The following THRAP3 variants were observed in gnomAD, a reference collection of about 807,000 sequenced individuals.
The protein encoded by THRAP3 is thyroid hormone receptor-associated protein 3.
In THRAP3, 16 loss-of-function variants were observed where a neutral mutation model predicts 101.0. The ratio of observed to expected loss-of-function variants is 0.16; its 90% CI spans 0.11 to 0.24. THRAP3 has a LOEUF of 0.24. Among genes scored for constraint, THRAP3 ranks in the 10% least tolerant of loss-of-function variants. The pLI is 1.00. For missense variants in THRAP3, 989 were observed against 1,202.7 expected (o/e 0.82, Z 2.63); for synonymous variants, 407 against 422.6 (o/e 0.96, Z 0.45).
chr1:36,255,524 T>A (rs952366780), intron 1 of THRAP3, among the ~76,000 whole-genome samples: 1 of 151,778 alleles, frequency 6.6e-6, no homozygotes, highest in Non-Finnish European at 1.5e-5. Context: ...ATCCCAGCAC[T>A]TTGGGAGGCT....
At chr1:36,256,606 C>T (rs952671889) in intron 1 of THRAP3, among the ~76,000 whole-genome samples, 1 of 152,186 alleles carries the variant, frequency 6.6e-6, no homozygotes, top group African/African-American at 2.4e-5. Flanking sequence ...CAGCAGCGAG[C>T]ATGTATCATT....
intron 1 of THRAP3, among the ~76,000 whole-genome samples, chr1:36,242,816 T>A (rs193162175): frequency 6.6e-6 from 1 of 152,246 alleles, no homozygotes; most frequent in African/African-American, 2.4e-5. Flanking sequence ...TTTGTACTTA[T>A]AGAATTTTGT....
chr1:36,248,173 C>A (rs564966432), intron 1 of THRAP3, among the ~76,000 whole-genome samples: 4 of 152,154 alleles, frequency 2.6e-5, no homozygotes, highest in African/African-American at 4.8e-5. Flanking sequence ...AGCCACGGTG[C>A]CCAGCCTCCT....
chr1:36,298,626 C>A (rs1357696102), intron 9 of THRAP3, among the ~76,000 whole-genome samples: 1 of 152,014 alleles, frequency 6.6e-6, no homozygotes, highest in African/African-American at 2.4e-5. Flanking sequence ...TCCAACTAGG[C>A]TGAGCTAGGA....
At chr1:36,238,452 A>AT (rs1645116674) in intron 1 of THRAP3, among the ~76,000 whole-genome samples, 1 of 152,084 alleles carries the variant, frequency 6.6e-6, no homozygotes, top group Non-Finnish European at 1.5e-5. Flanking sequence ...TATCCAGATT[A>AT]TTTTTTTAGG....
At position 36,276,864 on chromosome 1, in the gene THRAP3, A is replaced by G. The variant is rs1378679902; in HGVS notation, c.-31-5669A>G. The stretch of plus-strand genomic sequence containing the variant: ...AGAGGGAGACTCCATCTCAAAAAAC[A>G]TAAATAAAGAAAAAAAGTGAAAAGA... On this transcript the variant is annotated intron_variant, in intron 2 of 11. Coordinates refer to ENST00000354618, the MANE Select transcript of THRAP3 (RefSeq NM_005119.4). Among the ~76,000 whole-genome samples, 6 of 152,336 alleles carry G rather than the reference A, an allele frequency of 3.9e-5. No homozygotes were observed. In the South Asian group the frequency reaches 6.2e-4, roughly 16 times the overall value.
At chr1:36,301,243 A>AT (rs1051130016) in intron 10 of THRAP3, among the ~76,000 whole-genome samples, 159 bp downstream of exon 10, 1 of 152,048 alleles carries the variant, frequency 6.6e-6, no homozygotes, top group African/African-American at 2.4e-5. Context: ...TGGCCTTTCC[A>AT]TTTTTTGTTA....
the THRAP3 span, among the ~76,000 whole-genome samples, chr1:36,210,703 GTATATATATATATATATATA>G: frequency 3.7e-4 from 1 of 2,734 alleles, no homozygotes; most frequent in Non-Finnish European, 5.5e-4. Context: ...AAAAAAAAAA[GTATATATATATATATATATA>G]TATATATATA....
In THRAP3 at chr1:36,295,554, T is replaced by TTCCTTCCTTCCTTCCTTCCTTCCC. The variant is rs1553125429; in HGVS notation, c.2116-1024_2116-1001dup. ...GCCAGCAGAGAAGTTTTTTCCTTCCTTCCTTCCTTCCTTCCTTCCTTCCCT... is the reference window on the plus strand; with the variant it reads ...GCCAGCAGAGAAGTTTTTTCCTTCCTTCCTTCCTTCCTTCCTTCCTTCCCTCCTTCCTTCCTTCCTTCCTTCCCT... On this transcript the variant is annotated intron_variant, in intron 8 of 11. Transcript: ENST00000354618. 5.9e-3 allele frequency among the ~76,000 whole-genome samples: 696 copies of TTCCTTCCTTCCTTCCTTCCTTCCC among 118,420 alleles called. 6 individuals are homozygous for TTCCTTCCTTCCTTCCTTCCTTCCC. The highest frequency in any genetic ancestry group is 0.02 in the African/African-American group (643 of 31,680). The allele number at this position is 118,420 out of a possible 152,430, so 77.7% of individuals were successfully genotyped here.
intron 1 of THRAP3, among the ~76,000 whole-genome samples, chr1:36,258,209 G>A (rs577638638): frequency 3.8e-4 from 58 of 152,316 alleles, no homozygotes; most frequent in Admixed American, 1.8e-3. Context: ...AGCAGACATG[G>A]GATTTCCCTC....
chr1:36,303,730 C>T, intron 11 of THRAP3, 66 bp from the exon 12 acceptor site: 1 of 1,607,692 alleles, frequency 6.2e-7, no homozygotes, highest in South Asian at 1.1e-5. Flanking sequence ...TGGGTGCGTG[C>T]AGAGAAGAGA....
chr1:36,303,814 G>A lies in THRAP3; in HGVS notation c.2665G>A (p.Glu889Lys), dbSNP rs751790320. The A allele has an allele frequency of 7.4e-6, 12 of 1,613,986 alleles. No homozygotes were observed. The highest frequency in any genetic ancestry group is 1.6e-4 in the Middle Eastern group (1 of 6,082). ...CCCTCAGCATGATGACCGTGAAGGC[G>A]AAGGCAGTGACAAGTGGGTGAGCCG... ...KYYLHDDREG[E>K]GSDKWVSRGR... The change falls in exon 12 of 12, where the codon GAA becomes AAA. Residue 889 changes from glutamate (E) to lysine (K), a missense_variant. Physicochemically the swap from Glu to Lys is moderately conservative, Grantham distance 56. Coordinates refer to ENST00000354618, the MANE Select transcript of THRAP3 (RefSeq NM_005119.4).
intron 11 of THRAP3, 103 bp downstream of exon 11, chr1:36,301,799 C>G: frequency 1.4e-6 from 2 of 1,421,172 alleles, no homozygotes. Flanking sequence ...ATTAAATGTA[C>G]GTGCAGGATT....
chr1:36,253,059 T>G (rs1472322025), intron 1 of THRAP3, among the ~76,000 whole-genome samples: 3 of 150,652 alleles, frequency 2.0e-5, no homozygotes, highest in African/African-American at 7.3e-5. Context: ...TTAATTGGGT[T>G]TCCAAGTTAG....
At chr1:36,282,088 T>TA (rs1645738866) in intron 2 of THRAP3, among the ~76,000 whole-genome samples, 1 of 66,458 alleles carries the variant, frequency 1.5e-5, no homozygotes, top group African/African-American at 3.9e-5. Context: ...AAAAAAAAAA[T>TA]TTTTTTTTTA....
intron 1 of THRAP3, among the ~76,000 whole-genome samples, chr1:36,232,865 T>G (rs190845908): frequency 9.4e-4 from 136 of 144,996 alleles, no homozygotes; most frequent in African/African-American, 3.2e-3. Flanking sequence ...TTGTCAAAAC[T>G]CATCGAACTG....
At chr1:36,225,129 C>G (rs1040718647) in intron 1 of THRAP3, 1 of 152,202 alleles carries the variant, frequency 6.6e-6, no homozygotes, top group Non-Finnish European at 1.5e-5. Flanking sequence ...CTCTTAGCAC[C>G]TAAGCAACTT....
upstream of THRAP3, among the ~76,000 whole-genome samples, chr1:36,220,972 A>AAAAAAAAAAAAAATAT (rs1285765741): frequency 2.1e-5 from 2 of 94,146 alleles, no homozygotes; most frequent in African/African-American, 9.5e-5. Context: ...AAAAAAAAAA[A>AAAAAAAAAAAAAATAT]ATATATATAT....
chr1:36,282,805 GGGGTTGGCTTGAGGTGCA>G, intron 3 of THRAP3, 105 bp downstream of exon 3: 2 of 1,366,012 alleles, frequency 1.5e-6, no homozygotes, highest in Non-Finnish European at 2.1e-6. Context: ...AATGGACTGG[GGGGTTGGCTTGAGGTGCA>G]GGGTTGGGCT....
Sources: gnomAD v4.1 joint callset for allele counts (sites outside exome capture counted in the v4.1 genomes callset) on GRCh38, gnomAD v4.1.1 for gene constraint, MANE v1.5 for transcripts, NCBI Gene and HGNC (gene_info 2026-07-23, HGNC 2026-07-21) for gene names.